Variants in SLCO2A1 observed in about 807,000 individuals in gnomAD.
SLCO2A1 encodes the protein solute carrier organic anion transporter family member 2A1.
In SLCO2A1, 60 loss-of-function variants were observed where a neutral mutation model predicts 71.7. The ratio of observed to expected loss-of-function variants is 0.84; its 90% CI spans 0.68 to 1.04. The LOEUF (loss-of-function observed/expected upper bound fraction) is 1.04. Among genes scored for constraint, SLCO2A1 ranks in the 50% least tolerant of loss-of-function variants. The pLI, the probability that SLCO2A1 is intolerant of heterozygous loss-of-function variation, is 0.00. For missense variants in SLCO2A1, 745 were observed against 813.4 expected, an observed-to-expected ratio of 0.92 and a Z score of 1.02; for synonymous variants, 308 against 326.7, an observed-to-expected ratio of 0.94 and a Z score of 0.62.
chr3:133,959,141 C>T (rs181142599), intron 3 of SLCO2A1, among the ~76,000 whole-genome samples: 17 of 152,278 alleles, frequency 1.1e-4, no homozygotes, highest in East Asian at 7.7e-4. Context: ...AAAAGGAGAA[C>T]GCGGAGTCCT....
At chr3:134,018,348 T>G (rs1166674570) in intron 1 of SLCO2A1, among the ~76,000 whole-genome samples, 1 of 152,226 alleles carries the variant, frequency 6.6e-6, no homozygotes, top group African/African-American at 2.4e-5. Flanking sequence ...ATAGAGCACT[T>G]TGCTCTGGAA....
At position 133,934,065 on chromosome 3, in the gene SLCO2A1, C is replaced by A; in HGVS notation, c.*648G>T. ...GGGTTTCTCAGTCCCTGCTCTGGTGCCTGCATGCAGGTAATGGGCAGAGAC... is the reference window on the plus strand; with the variant it reads ...GGGTTTCTCAGTCCCTGCTCTGGTGACTGCATGCAGGTAATGGGCAGAGAC... On this transcript the variant is annotated 3_prime_UTR_variant, in exon 14 of 14. Coordinates refer to ENST00000310926, the MANE Select transcript of SLCO2A1 (RefSeq NM_005630.3). The A allele has an allele frequency of 6.6e-6, 1 of 152,274 alleles. No individual in the cohort carries two copies. Among genetic ancestry groups the A allele is most frequent in the East Asian group, 1.9e-4 (1 of 5,198 alleles). The allele number at this position is 152,274 out of a possible 1,614,324, so 9.4% of individuals were successfully genotyped here. A position where few individuals can be genotyped will look rare whatever the true frequency, so the allele number is the denominator to read the frequency against.
At chr3:133,990,373 A>G (rs1419720542) in intron 1 of SLCO2A1, among the ~76,000 whole-genome samples, 1 of 152,256 alleles carries the variant, frequency 6.6e-6, no homozygotes, top group Non-Finnish European at 1.5e-5. Context: ...TTCAGTCAGC[A>G]ATCTTGAATC....
intron 1 of SLCO2A1, among the ~76,000 whole-genome samples, chr3:133,985,714 A>G (rs1211876241): frequency 6.6e-6 from 1 of 152,248 alleles, no homozygotes; most frequent in African/African-American, 2.4e-5. Context: ...ACAGTGCATG[A>G]AATGATGCCC....
chr3:134,026,556 C>T (rs2108082284), intron 1 of SLCO2A1, among the ~76,000 whole-genome samples: 1 of 152,080 alleles, frequency 6.6e-6, no homozygotes, highest in Admixed American at 6.6e-5. Context: ...GAAAATCATA[C>T]AATATTATAG....
chr3:133,981,952 G>A (rs1934601696), intron 1 of SLCO2A1, among the ~76,000 whole-genome samples: 1 of 147,094 alleles, frequency 6.8e-6, no homozygotes. Context: ...TCCATCGTGG[G>A]CGACAGAGCG....
intron 1 of SLCO2A1, among the ~76,000 whole-genome samples, chr3:134,006,712 C>T (rs1264561455): frequency 6.6e-6 from 1 of 152,084 alleles, no homozygotes; most frequent in Non-Finnish European, 1.5e-5. Flanking sequence ...TTTTGTTTAT[C>T]CATTTATCTA....
intron 6 of SLCO2A1, among the ~76,000 whole-genome samples, chr3:133,949,483 T>A (rs1050743012): frequency 6.6e-6 from 1 of 152,202 alleles, no homozygotes; most frequent in African/African-American, 2.4e-5. Flanking sequence ...AACCTTTACC[T>A]GCACTTTCTT....
chr3:134,008,670 C>A (rs1935272487), intron 1 of SLCO2A1, among the ~76,000 whole-genome samples: 1 of 152,194 alleles, frequency 6.6e-6, no homozygotes, highest in East Asian at 1.9e-4. Context: ...AGGAGCCAAT[C>A]AGATACATTT....
chr3:133,982,589 C>A (rs1934619404), intron 1 of SLCO2A1, among the ~76,000 whole-genome samples: 1 of 152,180 alleles, frequency 6.6e-6, no homozygotes, highest in Non-Finnish European at 1.5e-5. Context: ...AAGCCAGAAA[C>A]CAATAATCCT....
chr3:134,006,024 AT>A (rs1485928014), intron 1 of SLCO2A1, among the ~76,000 whole-genome samples: 4 of 152,104 alleles, frequency 2.6e-5, no homozygotes, highest in Non-Finnish European at 1.5e-5. Context: ...AAAAATTGTG[AT>A]AAAATGTGTG....
In SLCO2A1 at chr3:133,934,677, C is replaced by A. The variant is rs775938830; in HGVS notation, c.*36G>T. ...TAGGCAGGTGTGGAAGAGTCAAGGT[C>A]CACTCTCTGGAGCAGGGCAGTGGCC... On this transcript the variant is annotated 3_prime_UTR_variant, in exon 14 of 14. Coordinates refer to ENST00000310926, the MANE Select transcript of SLCO2A1 (RefSeq NM_005630.3). 2 of 1,422,126 alleles carry A rather than the reference C, an allele frequency of 1.4e-6. No homozygotes were observed. The highest frequency in any genetic ancestry group is 2.3e-5 in the South Asian group (2 of 87,024). 88.1% of individuals were successfully genotyped at this position (1,422,126 alleles called of 1,614,324 possible).
intron 1 of SLCO2A1, among the ~76,000 whole-genome samples, chr3:133,999,410 AATTAT>A (rs1311557088): frequency 2.0e-5 from 3 of 152,172 alleles, no homozygotes; most frequent in Non-Finnish European, 4.4e-5. Flanking sequence ...GAACATTTGA[AATTAT>A]ATGGTAAGCA....
intron 1 of SLCO2A1, among the ~76,000 whole-genome samples, chr3:133,999,966 G>A (rs745795023): frequency 9.2e-5 from 14 of 152,156 alleles, no homozygotes; most frequent in Admixed American, 5.9e-4. Context: ...CTAGAGGCAC[G>A]GAGGCCACGC....
intron 11 of SLCO2A1, among the ~76,000 whole-genome samples, chr3:133,941,019 G>C (rs1933407296): frequency 6.6e-6 from 1 of 152,112 alleles, no homozygotes; most frequent in Non-Finnish European, 1.5e-5. Flanking sequence ...GGGGGTCAAG[G>C]ATAACTGACA....
chr3:134,018,889 C>T lies in SLCO2A1; in HGVS notation c.96+10818G>A, dbSNP rs148034889. Among the ~76,000 whole-genome samples, 720 of 152,192 alleles carry T rather than the reference C, an allele frequency of 4.7e-3. 7 individuals are homozygous for T. The highest frequency in any genetic ancestry group is 0.016 in the African/African-American group (677 of 41,506). On this transcript the variant is annotated intron_variant, in intron 1 of 13. Transcript: ENST00000310926. ...CTGTAAGCTAGAGGCAACAGAGACT[C>T]TAGATTAAATCTGGTTTACTACTGC...
intron 1 of SLCO2A1, among the ~76,000 whole-genome samples, chr3:134,000,483 C>G (rs1935085318): frequency 6.6e-6 from 1 of 152,136 alleles, no homozygotes; most frequent in South Asian, 2.1e-4. Context: ...GCCTCGTAAA[C>G]AGATTGTGAC....
intron 1 of SLCO2A1, among the ~76,000 whole-genome samples, chr3:133,987,416 A>G (rs1934742406): frequency 6.6e-6 from 1 of 151,936 alleles, no homozygotes; most frequent in African/African-American, 2.4e-5. Context: ...ATCGCAACCC[A>G]GACATTTCCT....
intron 1 of SLCO2A1, among the ~76,000 whole-genome samples, chr3:134,023,218 G>A (rs753817845): frequency 1.6e-4 from 24 of 152,206 alleles, no homozygotes; most frequent in Non-Finnish European, 2.6e-4. Flanking sequence ...GTGGGCCATA[G>A]TCCCAGGGGA....
Sources: allele counts gnomAD v4.1 joint callset (sites outside exome capture counted in the v4.1 genomes callset), GRCh38; gene constraint gnomAD v4.1.1; transcripts MANE v1.5; gene names NCBI Gene and HGNC (gene_info 2026-07-23, HGNC 2026-07-21).